The following GALNTL6 variants were observed in gnomAD, a reference collection of about 807,000 sequenced individuals.
The protein encoded by GALNTL6 is polypeptide N-acetylgalactosaminyltransferase like 6.
GALNTL6 carries 46 observed loss-of-function variants against 73.7 expected under a neutral mutation model. That is an observed-to-expected ratio of 0.62 (90% confidence interval 0.49 to 0.80). GALNTL6 has a LOEUF of 0.80. Among genes scored for constraint, GALNTL6 ranks in the 30% least tolerant of loss-of-function variants. The pLI, the probability that GALNTL6 is intolerant of heterozygous loss-of-function variation, is 0.00. For missense variants in GALNTL6, 604 were observed against 755.0 expected (o/e 0.80, Z 2.34); for synonymous variants, 259 against 263.7 (o/e 0.98, Z 0.17).
chr4:171,830,810 T>C (rs1734949068), intron 2 of GALNTL6, among the ~76,000 whole-genome samples: 1 of 152,128 alleles, frequency 6.6e-6, no homozygotes, highest in Admixed American at 6.6e-5. Flanking sequence ...AATGATAACA[T>C]AAATAACAAA....
intron 2 of GALNTL6, among the ~76,000 whole-genome samples, chr4:172,207,748 G>A (rs1448716549): frequency 1.3e-5 from 2 of 152,072 alleles, no homozygotes; most frequent in African/African-American, 4.8e-5. Flanking sequence ...TACAAGAACA[G>A]TAATTACAAA....
chr4:172,206,814 GTTTGTTT>G (rs1736140426), intron 2 of GALNTL6, among the ~76,000 whole-genome samples: 9 of 57,962 alleles, frequency 1.6e-4, no homozygotes, highest in East Asian at 1.6e-3. Context: ...TGTTTTTTTT[GTTTGTTT>G]TTTTTTTTTT....
At chr4:172,561,245 G>A (rs928233148) in intron 5 of GALNTL6, among the ~76,000 whole-genome samples, 1 of 132,876 alleles carries the variant, frequency 7.5e-6, no homozygotes, top group Non-Finnish European at 1.6e-5. Flanking sequence ...GGGCGACAGA[G>A]AGAGACTCCG....
chr4:172,457,739 G>C (rs1046761977), intron 5 of GALNTL6, among the ~76,000 whole-genome samples: 2 of 152,168 alleles, frequency 1.3e-5, no homozygotes, highest in Admixed American at 1.3e-4. Flanking sequence ...AAGTGACTTA[G>C]ATTCCCACAC....
intron 2 of GALNTL6, among the ~76,000 whole-genome samples, chr4:172,209,173 A>C (rs756226560): frequency 1.3e-5 from 2 of 152,054 alleles, no homozygotes; most frequent in Non-Finnish European, 2.9e-5. Flanking sequence ...ACTCACAAAT[A>C]ATTTCATAGT....
At chr4:172,182,254 C>T (rs1420568966) in intron 2 of GALNTL6, among the ~76,000 whole-genome samples, 1 of 152,068 alleles carries the variant, frequency 6.6e-6, no homozygotes, top group African/African-American at 2.4e-5. Context: ...TCAAGGAAAT[C>T]AGAGAGGACA....
intron 3 of GALNTL6, among the ~76,000 whole-genome samples, chr4:172,300,366 T>C (rs13147713): frequency 6.6e-6 from 1 of 152,288 alleles, no homozygotes; most frequent in Non-Finnish European, 1.5e-5. Context: ...TTTAGCCCAT[T>C]TACATTTAAG....
intron 8 of GALNTL6, among the ~76,000 whole-genome samples, chr4:172,890,565 A>G (rs1055556329): frequency 4.6e-5 from 7 of 152,124 alleles, no homozygotes; most frequent in African/African-American, 1.2e-4. Flanking sequence ...TATGCTTTGC[A>G]TGAATTTGAT....
chr4:172,205,248 T>G (rs915908156), intron 2 of GALNTL6, among the ~76,000 whole-genome samples: 1 of 152,040 alleles, frequency 6.6e-6, no homozygotes, highest in Non-Finnish European at 1.5e-5. Flanking sequence ...AACAATAAAA[T>G]CAGTTAAAAA....
chr4:172,700,621 A>G (rs1222355891), intron 5 of GALNTL6, among the ~76,000 whole-genome samples: 3 of 152,160 alleles, frequency 2.0e-5, no homozygotes, highest in Non-Finnish European at 4.4e-5. Context: ...TCCAGTGGAC[A>G]AACAGGTGAC....
At chr4:173,014,360 T>TG (rs1184642098) in intron 11 of GALNTL6, among the ~76,000 whole-genome samples, 2 of 151,596 alleles carry the variant, frequency 1.3e-5, no homozygotes, top group East Asian at 3.9e-4. Flanking sequence ...GGGAGAGGAG[T>TG]GGCGGGGAGG....
intron 2 of GALNTL6, among the ~76,000 whole-genome samples, chr4:172,213,179 C>G (rs1273309369): frequency 1.3e-5 from 2 of 151,896 alleles, no homozygotes; most frequent in Non-Finnish European, 2.9e-5. Context: ...ATTCATTTAT[C>G]CACTTGCTAT....
intron 5 of GALNTL6, among the ~76,000 whole-genome samples, chr4:172,781,426 C>T (rs192077288): frequency 1.2e-4 from 19 of 152,230 alleles, no homozygotes; most frequent in Middle Eastern, 3.4e-3. Flanking sequence ...ATCTGGATTA[C>T]AGCTGAGAAT....
chr4:172,513,576 A>G (rs1260573725), intron 5 of GALNTL6, among the ~76,000 whole-genome samples: 1 of 152,144 alleles, frequency 6.6e-6, no homozygotes, highest in Non-Finnish European at 1.5e-5. Flanking sequence ...GGGACTCAAA[A>G]ACTGCTCTTC....
chr4:173,000,150 TACTC>T (rs953626947), intron 10 of GALNTL6, among the ~76,000 whole-genome samples: 3 of 152,184 alleles, frequency 2.0e-5, no homozygotes, highest in African/African-American at 7.2e-5. Context: ...TCTCATTTAA[TACTC>T]ACATCACATT....
At chr4:172,778,321 C>A (rs947905364) in intron 5 of GALNTL6, among the ~76,000 whole-genome samples, 6 of 152,174 alleles carry the variant, frequency 3.9e-5, no homozygotes, top group African/African-American at 1.4e-4. Flanking sequence ...AATTATTTAT[C>A]CCACCTGCCA....
chr4:172,365,154 G>A (rs1273727408), intron 5 of GALNTL6, among the ~76,000 whole-genome samples: 1 of 152,164 alleles, frequency 6.6e-6, no homozygotes, highest in Non-Finnish European at 1.5e-5. Flanking sequence ...AAGACTAAGA[G>A]TATTTAAGGG....
At chr4:172,314,512 GT>G (rs1740473523) in intron 4 of GALNTL6, among the ~76,000 whole-genome samples, 1 of 147,732 alleles carries the variant, frequency 6.8e-6, no homozygotes, top group African/African-American at 2.5e-5. Flanking sequence ...AAAAATCATG[GT>G]TTTATATGTT....
At chr4:172,207,030 G>C (rs932224206) in intron 2 of GALNTL6, among the ~76,000 whole-genome samples, 1 of 151,192 alleles carries the variant, frequency 6.6e-6, no homozygotes, top group Non-Finnish European at 1.5e-5. Flanking sequence ...TGTTAGCCAG[G>C]ATGATCTCAA....
Sources: gnomAD v4.1 joint callset for allele counts (sites outside exome capture counted in the v4.1 genomes callset) on GRCh38, gnomAD v4.1.1 for gene constraint, MANE v1.5 for transcripts, NCBI Gene and HGNC (gene_info 2026-07-23, HGNC 2026-07-21) for gene names.